Variants in USP40 observed in about 807,000 individuals in gnomAD.
USP40 encodes ubiquitin specific peptidase 40, also known as ubiquitin carboxyl-terminal hydrolase 40.
Under a neutral mutation model 166.2 loss-of-function variants are expected in USP40, and 143 were observed. The ratio of observed to expected loss-of-function variants is 0.86; its 90% CI spans 0.75 to 0.99. The LOEUF (loss-of-function observed/expected upper bound fraction) is 0.99, where lower values mean the gene tolerates loss of function less well. USP40 is among the 50% of genes least tolerant of loss of function. USP40 has a pLI of 0.00. For missense variants in USP40, 1,444 were observed against 1,479.7 expected, an observed-to-expected ratio of 0.98 and a Z score of 0.40; for synonymous variants, 498 against 524.0, an observed-to-expected ratio of 0.95 and a Z score of 0.68.
At chr2:233,509,612 G>A (rs1047850459) in intron 21 of USP40, among the ~76,000 whole-genome samples, 3 of 151,884 alleles carry the variant, frequency 2.0e-5, no homozygotes, top group Admixed American at 6.6e-5. Flanking sequence ...AGGCCGAGGC[G>A]GGTGGATCAC....
rs1456863755 is a variant in USP40, at chr2:233,554,370, C to T, written c.693+10G>A. 2.5e-6 allele frequency: 4 copies of T among 1,589,878 alleles called. No homozygotes were observed. The South Asian group carries it at 3.5e-5, about 14-fold the overall frequency. ...GGGGACCCTGGGAAAAAGCAGTTAT[C>T]TGTCTTTACCTTTGCTGCTTTAACC... On this transcript the variant is annotated intron_variant, in intron 6 of 31. Coordinates refer to ENST00000678225, the MANE Select transcript of USP40 (RefSeq NM_001365479.2).
intron 5 of USP40, among the ~76,000 whole-genome samples, chr2:233,555,348 A>G (rs977885280): frequency 2.6e-5 from 4 of 152,220 alleles, no homozygotes. Context: ...AATTTAATTT[A>G]TATTTATAGT....
intron 12 of USP40, 74 bp from the exon 13 acceptor site, chr2:233,527,652 T>G: frequency 7.6e-7 from 1 of 1,311,210 alleles, no homozygotes; most frequent in Non-Finnish European, 1.0e-6. Flanking sequence ...AAACCAAAGA[T>G]ATCTGGCTTA....
intron 11 of USP40, among the ~76,000 whole-genome samples, chr2:233,530,238 A>AGG: frequency 6.8e-6 from 1 of 147,268 alleles, no homozygotes; most frequent in African/African-American, 2.5e-5. Context: ...ACAGGCACAC[A>AGG]CACAAACACA....
intron 25 of USP40, among the ~76,000 whole-genome samples, chr2:233,491,924 G>T (rs1424122262): frequency 6.6e-6 from 1 of 152,188 alleles, no homozygotes; most frequent in African/African-American, 2.4e-5. Context: ...TTACTGCTGA[G>T]CATGCCACTA....
chr2:233,518,251 TAAAAAAAAAAAAAAAAAA>T (rs1156279626), intron 18 of USP40, among the ~76,000 whole-genome samples: 7 of 49,798 alleles, frequency 1.4e-4, no homozygotes, highest in African/African-American at 1.8e-4. Flanking sequence ...TAACAGATTC[TAAAAAAAAAAAAAAAAAA>T]AAAAAAAAAA....
intron 28 of USP40, chr2:233,488,007 C>A: frequency 1.5e-6 from 1 of 680,194 alleles, no homozygotes; most frequent in Non-Finnish European, 2.8e-6. Flanking sequence ...CAATATGCAC[C>A]TGGTGATTAC....
intron 3 of USP40, among the ~76,000 whole-genome samples, chr2:233,560,434 C>A (rs1398609408): frequency 6.6e-6 from 1 of 152,042 alleles, no homozygotes; most frequent in African/African-American, 2.4e-5. Flanking sequence ...GGTCTGTAGG[C>A]TAGACTTTAA....
chr2:233,545,441 G>A (rs759599377), intron 8 of USP40: 1 of 152,280 alleles, frequency 6.6e-6, no homozygotes, highest in Non-Finnish European at 1.5e-5. Context: ...ATTGGGTGCT[G>A]TCATGGAGCC....
chr2:233,515,652 T>C (rs2067140150), intron 18 of USP40, among the ~76,000 whole-genome samples: 1 of 152,230 alleles, frequency 6.6e-6, no homozygotes, highest in African/African-American at 2.4e-5. Flanking sequence ...GCTTGCCTTT[T>C]CAAATGCTTT....
At chr2:233,532,134 G>C (rs62192764) in intron 11 of USP40, among the ~76,000 whole-genome samples, 2 of 152,058 alleles carry the variant, frequency 1.3e-5, no homozygotes, top group African/African-American at 4.8e-5. Context: ...AATGGTTGCT[G>C]TTGGCAACAA....
chr2:233,519,160 T>C (rs2067472139), intron 18 of USP40, among the ~76,000 whole-genome samples: 1 of 152,202 alleles, frequency 6.6e-6, no homozygotes. Flanking sequence ...ATTCTAAAAC[T>C]GGATTGTGGT....
At position 233,478,006 on chromosome 2, in the gene USP40, C is replaced by T. The variant is rs1017918016; in HGVS notation, c.3600-503G>A. Among the ~76,000 whole-genome samples the T allele has an allele frequency of 3.3e-5, 5 of 152,330 alleles. No individual in the cohort carries two copies. The East Asian group carries it at 5.8e-4, about 18-fold the overall frequency. On this transcript the variant is annotated intron_variant, in intron 31 of 31. Coordinates refer to ENST00000678225, the MANE Select transcript of USP40 (RefSeq NM_001365479.2). ...ATGGCACCGTGCGGCAGGTGCTCTG[C>T]GGCCGGGTGCTTTGGCCCAGCCTGA...
chr2:233,506,296 A>G (rs1028298118), intron 21 of USP40, among the ~76,000 whole-genome samples: 1 of 152,252 alleles, frequency 6.6e-6, no homozygotes, highest in African/African-American at 2.4e-5. Context: ...GGATCTCCAC[A>G]TGCAGAATAA....
chr2:233,510,392 CTTTTTTTT>C (rs1158427662), intron 20 of USP40, among the ~76,000 whole-genome samples: 107 of 68,678 alleles, frequency 1.6e-3, no homozygotes, highest in African/African-American at 6.4e-3. Context: ...CTTTTTCTTT[CTTTTTTTT>C]TTTTTTTTTT....
At chr2:233,488,103 C>A in intron 28 of USP40, 136 bp downstream of exon 28, 1 of 762,426 alleles carries the variant, frequency 1.3e-6, no homozygotes. Context: ...ATTTCTAGCA[C>A]ACACTCTGTT....
rs1261301934 is a variant in USP40, at chr2:233,477,326, C to G, written c.*66G>C. 5.3e-6 allele frequency: 8 copies of G among 1,503,660 alleles called. No homozygotes were observed. Among genetic ancestry groups the G allele is most frequent in the Non-Finnish European group, 7.3e-6 (8 of 1,096,952 alleles). The allele number at this position is 1,503,660 out of a possible 1,614,324, so 93.1% of individuals were successfully genotyped here. On this transcript the variant is annotated 3_prime_UTR_variant, in exon 32 of 32. Coordinates refer to ENST00000678225, the MANE Select transcript of USP40 (RefSeq NM_001365479.2). ...GCGCCAGGCAGCCAGTCCCCATGCC[C>G]AGGAAACCCACGTTTGTGGCATCAG... is the stretch of plus-strand genomic sequence containing the variant.
At chr2:233,524,625 A>C (rs2067890589) in intron 14 of USP40, 63 bp from the exon 15 acceptor site, 1 of 1,294,110 alleles carries the variant, frequency 7.7e-7, no homozygotes. Context: ...AGCTAAAGAA[A>C]GAGCTGAGAC....
chr2:233,558,978 G>C (rs1367068212), intron 4 of USP40, among the ~76,000 whole-genome samples: 1 of 152,154 alleles, frequency 6.6e-6, no homozygotes, highest in Non-Finnish European at 1.5e-5. Flanking sequence ...CTACCCTTCA[G>C]AGTTTACCAT....
Sources: gnomAD v4.1 joint callset for allele counts (sites outside exome capture counted in the v4.1 genomes callset) on GRCh38, gnomAD v4.1.1 for gene constraint, MANE v1.5 for transcripts, NCBI Gene and HGNC (gene_info 2026-07-23, HGNC 2026-07-21) for gene names.